The following PCA3 variants were observed in gnomAD, a reference collection of about 807,000 sequenced individuals.
PCA3 encodes prostate cancer associated 3.
chr9:76,770,626 C>A (rs2052988666), intron 2 of PCA3, among the ~76,000 whole-genome samples: 1 of 152,082 alleles, frequency 6.6e-6, no homozygotes, highest in South Asian at 2.1e-4. Context: ...ACAACAAAAT[C>A]CTGCAAAACT....
intron 2 of PCA3, chr9:76,785,137 C>T (rs1042513040): frequency 7.9e-5 from 12 of 152,284 alleles, no homozygotes; most frequent in Non-Finnish European, 1.5e-4. Flanking sequence ...ATCAACCCCT[C>T]CCATGCACCT....
intron 2 of PCA3, among the ~76,000 whole-genome samples, chr9:76,768,804 G>A (rs1319104222): frequency 6.6e-6 from 1 of 152,060 alleles, no homozygotes; most frequent in Admixed American, 6.6e-5. Flanking sequence ...CTGGACATTT[G>A]CATGGTATGA....
chr9:76,779,299 T>C (rs937759713), intron 2 of PCA3, among the ~76,000 whole-genome samples: 1 of 151,730 alleles, frequency 6.6e-6, no homozygotes, highest in Middle Eastern at 3.4e-3. Flanking sequence ...AAAATAGCAG[T>C]GAGTTCCACA....
chr9:76,774,427 C>A (rs575105338), intron 2 of PCA3, among the ~76,000 whole-genome samples: 15 of 135,786 alleles, frequency 1.1e-4, no homozygotes, highest in Non-Finnish European at 2.3e-4. Flanking sequence ...CATGAGCCAT[C>A]GTTCCTGGCC....
chr9:76,777,804 C>T (rs1013135196), intron 2 of PCA3, among the ~76,000 whole-genome samples: 1 of 152,160 alleles, frequency 6.6e-6, no homozygotes, highest in Admixed American at 6.5e-5. Context: ...GGGAAGATGT[C>T]ACCATTTACA....
At chr9:76,768,599 G>GTC (rs1327468826) in intron 2 of PCA3, among the ~76,000 whole-genome samples, 2 of 151,314 alleles carry the variant, frequency 1.3e-5, no homozygotes, top group African/African-American at 2.4e-5. Context: ...GTGTGTGTGT[G>GTC]TGTGTGTGTG....
intron 2 of PCA3, among the ~76,000 whole-genome samples, chr9:76,780,682 C>G (rs1379539034): frequency 6.6e-6 from 1 of 152,120 alleles, no homozygotes; most frequent in African/African-American, 2.4e-5. Context: ...CAGAGCAAGA[C>G]TCCGTCTCAA....
chr9:76,771,431 A>G (rs2053091225), intron 2 of PCA3, among the ~76,000 whole-genome samples: 1 of 152,170 alleles, frequency 6.6e-6, no homozygotes, highest in South Asian at 2.1e-4. Context: ...GCACTCTTCT[A>G]GAAGAAAGAG....
intron 2 of PCA3, chr9:76,783,799 A>C (rs1589216058): frequency 6.6e-6 from 1 of 152,326 alleles, no homozygotes; most frequent in East Asian, 1.9e-4. Flanking sequence ...CAAGATGACA[A>C]TATAATGTCT....
intron 2 of PCA3, chr9:76,778,686 G>A (rs1188535785): frequency 6.6e-6 from 1 of 152,206 alleles, no homozygotes; most frequent in Non-Finnish European, 1.5e-5. Flanking sequence ...GATCTATAAA[G>A]TGGGATATAG....
chr9:76,771,945 G>C (rs190488815), intron 2 of PCA3, among the ~76,000 whole-genome samples: 2 of 152,218 alleles, frequency 1.3e-5, no homozygotes, highest in Non-Finnish European at 2.9e-5. Context: ...CACTAATGGC[G>C]TGGGACTCAG....
intron 2 of PCA3, among the ~76,000 whole-genome samples, chr9:76,776,946 A>ACACACACACACAC (rs2053864383): frequency 7.0e-6 from 1 of 142,736 alleles, no homozygotes; most frequent in Non-Finnish European, 1.5e-5. Context: ...ACACACACAC[A>ACACACACACACAC]AAGGGCCTGG....
At chr9:76,769,498 TC>T (rs2052841837) in intron 2 of PCA3, among the ~76,000 whole-genome samples, 3 of 42,708 alleles carry the variant, frequency 7.0e-5, no homozygotes, top group African/African-American at 1.1e-4. Context: ...TCTCGGCTCG[TC>T]GTCGCAACCT....
chr9:76,775,472 G>GTT lies in PCA3; in HGVS notation n.853-33103_853-33102dup, dbSNP rs11394055. ...CTACCATGCCCAGCTAATTTTTGTG[G>GTT]TTTTTTTTTGTAGAGATGGGATCTC... On this transcript the variant is annotated intron_variant and non_coding_transcript_variant, in intron 2 of 5. Coordinates refer to ENST00000644657, the Ensembl canonical transcript of PCA3. 3.4e-3 allele frequency among the ~76,000 whole-genome samples: 514 copies of GTT among 150,614 alleles called. 5 individuals are homozygous for GTT. Among genetic ancestry groups the GTT allele is most frequent in the African/African-American group, 0.012 (478 of 41,016 alleles).
chr9:76,774,824 T>G (rs2053564263), intron 2 of PCA3, among the ~76,000 whole-genome samples: 1 of 152,164 alleles, frequency 6.6e-6, no homozygotes, highest in African/African-American at 2.4e-5. Context: ...ACAGGGGAGC[T>G]TTAGCACCTT....
At chr9:76,774,477 T>TTTTTTA (rs2053525405) in intron 2 of PCA3, among the ~76,000 whole-genome samples, 1 of 147,844 alleles carries the variant, frequency 6.8e-6, no homozygotes, top group African/African-American at 2.5e-5. Flanking sequence ...TTTTTTTTTT[T>TTTTTTA]GAGATGGAGT....
intron 2 of PCA3, among the ~76,000 whole-genome samples, chr9:76,780,920 T>C (rs922313508): frequency 6.6e-6 from 1 of 152,134 alleles, no homozygotes; most frequent in African/African-American, 2.4e-5. Context: ...TCCCCGTGTG[T>C]TTCCCATCTG....
At chr9:76,778,317 C>T (rs924244924) in intron 2 of PCA3, 1 of 152,182 alleles carries the variant, frequency 6.6e-6, no homozygotes, top group African/African-American at 2.4e-5. Flanking sequence ...CTTTCACCCT[C>T]ACAGAAAGAC....
rs115387742 is a variant in PCA3 at position 76,767,581 on chromosome 9, C to T, written n.852+30966C>T. Among the ~76,000 whole-genome samples the T allele has an allele frequency of 6.6e-3, 1,010 of 152,306 alleles. 11 individuals are homozygous for T. Among genetic ancestry groups the T allele is most frequent in the African/African-American group, 0.023 (952 of 41,558 alleles). On this transcript the variant is annotated intron_variant and non_coding_transcript_variant, in intron 2 of 5. Coordinates refer to ENST00000644657, the Ensembl canonical transcript of PCA3. ...GAACTATTTTCCAGAACCTTCGCTT[C>T]TGTGACTGCATGACACTACTCTCAT... is the stretch of plus-strand genomic sequence containing the variant.
Sources: gnomAD v4.1 joint callset for allele counts (sites outside exome capture counted in the v4.1 genomes callset) on GRCh38, gnomAD v4.1.1 for gene constraint, MANE v1.5 for transcripts, NCBI Gene and HGNC (gene_info 2026-07-23, HGNC 2026-07-21) for gene names.